Variants in SLC14A2 observed in about 807,000 individuals in gnomAD.
SLC14A2 encodes solute carrier family 14 member 2.
Under a neutral mutation model 104.6 loss-of-function variants are expected in SLC14A2, and 91 were observed. The ratio of observed to expected loss-of-function variants is 0.87; its 90% CI spans 0.73 to 1.04. The LOEUF (loss-of-function observed/expected upper bound fraction) is 1.04, where lower values mean the gene tolerates loss of function less well. Among genes scored for constraint, SLC14A2 ranks in the 50% least tolerant of loss-of-function variants. The pLI is 0.00. For missense variants in SLC14A2, 1,189 were observed against 1,156.0 expected (o/e 1.03, Z -0.41); for synonymous variants, 476 against 466.4 (o/e 1.02, Z -0.27).
At chr18:45,540,118 G>A (rs973223311) in intron 2 of SLC14A2, among the ~76,000 whole-genome samples, 1 of 151,796 alleles carries the variant, frequency 6.6e-6, no homozygotes, top group Non-Finnish European at 1.5e-5. Context: ...GCCTGATGAG[G>A]TGACTGAGAG....
chr18:45,634,067 G>GC (rs1009115498), intron 5 of SLC14A2, among the ~76,000 whole-genome samples: 1 of 152,116 alleles, frequency 6.6e-6, no homozygotes, highest in African/African-American at 2.4e-5. Context: ...AGACTTCAGT[G>GC]CCCCCCATCC....
intron 1 of SLC14A2, among the ~76,000 whole-genome samples, chr18:45,305,429 C>G (rs1486416333): frequency 6.6e-6 from 1 of 152,214 alleles, no homozygotes; most frequent in African/African-American, 2.4e-5. Flanking sequence ...GACTCTACTC[C>G]AGGATCCTGG....
At chr18:45,484,269 C>T (rs376224830) in intron 2 of SLC14A2, among the ~76,000 whole-genome samples, 1 of 152,100 alleles carries the variant, frequency 6.6e-6, no homozygotes, top group African/African-American at 2.4e-5. Flanking sequence ...AATTGGCACA[C>T]ATCACTTTCA....
chr18:45,551,357 A>G (rs2044053193), intron 2 of SLC14A2, among the ~76,000 whole-genome samples: 1 of 152,234 alleles, frequency 6.6e-6, no homozygotes. Flanking sequence ...TGAACTTGTG[A>G]AAACCTTTTA....
At chr18:45,267,870 T>C (rs77815596) in intron 1 of SLC14A2, among the ~76,000 whole-genome samples, 4,607 of 152,208 alleles carry the variant, frequency 0.03, 232 homozygotes, top group African/African-American at 0.11. Flanking sequence ...CTAAACAGAA[T>C]TATAAAGAGA....
chr18:45,613,034 T>G (rs1022031588), upstream of SLC14A2, among the ~76,000 whole-genome samples: 22 of 13,244 alleles, frequency 1.7e-3, no homozygotes, highest in African/African-American at 0.012. Context: ...CTTTGGCAGT[T>G]TTTTTTTGTT....
intron 1 of SLC14A2, among the ~76,000 whole-genome samples, chr18:45,223,520 G>A (rs1452176358): frequency 1.3e-5 from 2 of 152,222 alleles, no homozygotes; most frequent in Non-Finnish European, 2.9e-5. Flanking sequence ...GATAGTCAGA[G>A]AGGAAACTCA....
At chr18:45,328,676 C>T (rs1013548339) in intron 1 of SLC14A2, among the ~76,000 whole-genome samples, 1 of 152,172 alleles carries the variant, frequency 6.6e-6, no homozygotes, top group Non-Finnish European at 1.5e-5. Context: ...TGGTAGATTA[C>T]ATGTTATGTA....
chr18:45,169,941 C>A, the SLC14A2 span, among the ~76,000 whole-genome samples: 2,250 of 152,190 alleles, frequency 0.015, 49 homozygotes, highest in African/African-American at 0.051. Context: ...AAAAACACAA[C>A]CTAAAAAGAA....
chr18:45,324,153 T>C (rs1014824257), intron 1 of SLC14A2, among the ~76,000 whole-genome samples: 3 of 152,142 alleles, frequency 2.0e-5, no homozygotes, highest in Non-Finnish European at 2.9e-5. Context: ...AGAAACATAA[T>C]AGCTGTTCAG....
At chr18:45,411,991 G>A (rs535879339) in intron 1 of SLC14A2, among the ~76,000 whole-genome samples, 4 of 152,096 alleles carry the variant, frequency 2.6e-5, no homozygotes, top group Non-Finnish European at 2.9e-5. Context: ...GTCTGAATCC[G>A]TCCATAGGAT....
intron 1 of SLC14A2, among the ~76,000 whole-genome samples, chr18:45,430,242 G>A (rs1326524453): frequency 6.7e-6 from 1 of 149,950 alleles, no homozygotes; most frequent in Non-Finnish European, 1.5e-5. Context: ...TCACATAGTT[G>A]GTTAGTAGCA....
chr18:45,278,809 T>C (rs2084731095), intron 1 of SLC14A2, among the ~76,000 whole-genome samples: 1 of 152,216 alleles, frequency 6.6e-6, no homozygotes, highest in Non-Finnish European at 1.5e-5. Flanking sequence ...GGGTAAGCTG[T>C]ATTATCGATT....
chr18:45,475,654 T>TTTAGGATATATATATATATATATTTAGG lies in SLC14A2; in HGVS notation c.-124-7579_-124-7578insTTAGGATATATATATATATATATTTAGG, dbSNP rs1415251972. Among the ~76,000 whole-genome samples, 16 of 53,566 alleles carry TTTAGGATATATATATATATATATTTAGG rather than the reference T, an allele frequency of 3.0e-4. 1 individual carries two copies. In the East Asian group the frequency reaches 3.5e-3, roughly 12 times the overall value. The allele number at this position is 53,566 out of a possible 152,430, so 35.1% of individuals were successfully genotyped here. A position where few individuals can be genotyped will look rare whatever the true frequency, so the allele number is the denominator to read the frequency against. Reference sequence around the variant, plus strand: ...TATATATATTTAGGATATATATATATATATATATATATATATATATATATA... The same window carrying TTTAGGATATATATATATATATATTTAGG: ...TATATATATTTAGGATATATATATATTTAGGATATATATATATATATATTTAGGATATATATATATATATATATATATA... On this transcript the variant is annotated intron_variant, in intron 1 of 20. Transcript: ENST00000586448.
chr18:45,650,738 C>CTTGTT (rs1282811701), intron 10 of SLC14A2, among the ~76,000 whole-genome samples: 2 of 104,528 alleles, frequency 1.9e-5, no homozygotes, highest in East Asian at 2.2e-4. Flanking sequence ...GTTTTTTTGT[C>CTTGTT]TTGTTTTGTT....
At chr18:45,595,892 G>C (rs908828520) in intron 2 of SLC14A2, among the ~76,000 whole-genome samples, 1 of 152,170 alleles carries the variant, frequency 6.6e-6, no homozygotes, top group African/African-American at 2.4e-5. Context: ...GCTGCCCCCA[G>C]GGTGTTCATT....
chr18:45,342,810 C>T (rs1180774840), intron 1 of SLC14A2, among the ~76,000 whole-genome samples: 1 of 152,174 alleles, frequency 6.6e-6, no homozygotes, highest in African/African-American at 2.4e-5. Context: ...ACAATGCAAT[C>T]TAGTGACTGG....
At chr18:45,180,758 G>T in the SLC14A2 span, among the ~76,000 whole-genome samples, 3 of 152,014 alleles carry the variant, frequency 2.0e-5, no homozygotes, top group Admixed American at 6.6e-5. Flanking sequence ...TTAGTGAAAT[G>T]ATATTTTTGA....
At chr18:45,416,008 C>G (rs992252268) in intron 1 of SLC14A2, among the ~76,000 whole-genome samples, 2 of 152,152 alleles carry the variant, frequency 1.3e-5, no homozygotes, top group Non-Finnish European at 2.9e-5. Context: ...TTTCTAACCA[C>G]CTCTTTTATT....
Sources: allele counts gnomAD v4.1 joint callset (sites outside exome capture counted in the v4.1 genomes callset), GRCh38; gene constraint gnomAD v4.1.1; transcripts MANE v1.5; gene names NCBI Gene and HGNC (gene_info 2026-07-23, HGNC 2026-07-21).